Variants in GPR132 observed in about 807,000 individuals in gnomAD.
The protein encoded by GPR132 is probable G protein-coupled receptor 132.
GPR132 carries 4 observed loss-of-function variants against 1.9 expected under a neutral mutation model. The ratio of observed to expected loss-of-function variants is 2.13; its 90% CI spans 1.05 to 4.87. The LOEUF (loss-of-function observed/expected upper bound fraction) is 4.87, where lower values mean the gene tolerates loss of function less well. GPR132 is among the 30% of genes most tolerant of loss of function. The pLI is 0.01. For missense variants in GPR132, 404 were observed against 512.5 expected (o/e 0.79, Z 2.04); for synonymous variants, 233 against 234.2 (o/e 0.99, Z 0.05).
chr14:105,063,600 C>G (rs1324051229), intron 1 of GPR132, among the ~76,000 whole-genome samples: 1 of 151,968 alleles, frequency 6.6e-6, no homozygotes, highest in Non-Finnish European at 1.5e-5. Flanking sequence ...TGGTCTTGAA[C>G]TCCTGACCTC....
At chr14:105,061,162 C>T (rs1886931705) in intron 1 of GPR132, among the ~76,000 whole-genome samples, 1 of 152,284 alleles carries the variant, frequency 6.6e-6, no homozygotes, top group African/African-American at 2.4e-5. Context: ...GCCGGGTCCA[C>T]TGGGACGTCC....
At chr14:105,062,540 CTTTTTT>C (rs59869492) in intron 1 of GPR132, among the ~76,000 whole-genome samples, 1 of 128,684 alleles carries the variant, frequency 7.8e-6, no homozygotes, top group African/African-American at 3.0e-5. Flanking sequence ...CTTTTCTTTT[CTTTTTT>C]TTTTTTTTTT....
At chr14:105,063,905 T>C (rs552186433) in intron 1 of GPR132, among the ~76,000 whole-genome samples, 1 of 152,078 alleles carries the variant, frequency 6.6e-6, no homozygotes, top group Admixed American at 6.6e-5. Context: ...AATGGCACGA[T>C]CTCGGCTCAC....
chr14:105,053,729 T>A (rs1453367335), intron 3 of GPR132, among the ~76,000 whole-genome samples: 1 of 151,774 alleles, frequency 6.6e-6, no homozygotes, highest in East Asian at 1.9e-4. Flanking sequence ...GATGTCTGAA[T>A]CCTAATCCTT....
intron 1 of GPR132, among the ~76,000 whole-genome samples, chr14:105,065,168 C>A (rs534137383): frequency 9.8e-5 from 15 of 152,344 alleles, no homozygotes; most frequent in African/African-American, 3.6e-4. Context: ...CCAAATCCTC[C>A]GGCCCCATCA....
chr14:105,054,270 G>A, intron 3 of GPR132: 1 of 1,132,736 alleles, frequency 8.8e-7, no homozygotes, highest in Non-Finnish European at 1.1e-6. Flanking sequence ...CCTGGGCACT[G>A]TCCAGCCCGC....
In GPR132 at chr14:105,056,902, CT is replaced by C. The variant is rs1293195823; in HGVS notation, c.-747+264del. Among the ~76,000 whole-genome samples, 1 of 152,248 alleles carries C rather than the reference CT, an allele frequency of 6.6e-6. No individual in the cohort carries two copies. The highest frequency in any genetic ancestry group is 2.4e-5 in the African/African-American group (1 of 41,462). On this transcript the variant is annotated intron_variant, in intron 2 of 3. Transcript: ENST00000329797. This position sits in a 1 kb window ranked among gnomAD's most constrained non-coding sequence, Gnocchi z 6.0. The stretch of plus-strand genomic sequence containing the variant: ...CCCCTGGGACCTGTGGGACAGCCCC[CT>C]GACTCAGTACTGTGTCGCCCTCCCA...
In GPR132 at chr14:105,055,650, A is replaced by C. The variant is rs1184166186; in HGVS notation, c.-230T>G. ...GTGTCTCACGTGCTCCACTCACCAC[A>C]GTGTCCTCAAGCTCCCTCCTGTTGC... On this transcript the variant is annotated 5_prime_UTR_variant, in exon 3 of 4. Coordinates refer to ENST00000329797, the MANE Select transcript of GPR132 (RefSeq NM_013345.4). The surrounding 1 kb of genome is among the most constrained non-coding windows in gnomAD (Gnocchi z 4.7). 3 of 565,990 alleles carry C rather than the reference A, an allele frequency of 5.3e-6. No individual in the cohort carries two copies. The highest frequency in any genetic ancestry group is 6.4e-6 in the Non-Finnish European group (2 of 314,464). The allele number at this position is 565,990 out of a possible 1,614,324, so 35.1% of individuals were successfully genotyped here.
rs1459643720 is a variant in GPR132, at chr14:105,051,491, C to T, written c.646G>A (p.Ala216Thr). 13 of 1,613,826 alleles carry T rather than the reference C, an allele frequency of 8.1e-6. No homozygotes were observed. Among genetic ancestry groups the T allele is most frequent in the Middle Eastern group, 1.6e-4 (1 of 6,082 alleles). Residue 216 changes from alanine to threonine, a missense_variant, in exon 4 of 4, where the codon GCC becomes ACC. Coordinates refer to ENST00000329797, the MANE Select transcript of GPR132 (RefSeq NM_013345.4). The surrounding 1 kb of genome is among the most constrained non-coding windows in gnomAD (Gnocchi z 8.0). ...CTGAAAATCCGGTGGTTGGTGAAGG[C>T]GATGATGGAGAGAGGGATGGCAAAG... ...VGFAIPLSII[A>T]FTNHRIFRSI...
rs539269723 is a variant in GPR132 at position 105,060,657 on chromosome 14, G to T, written c.-860-3377C>A. ...TGAGGCCCCTGGGCCCCATCAGAACGCCTGAGCCGCCCAGGAAGGGGCTCC... is the reference window on the plus strand; with the variant it reads ...TGAGGCCCCTGGGCCCCATCAGAACTCCTGAGCCGCCCAGGAAGGGGCTCC... On this transcript the variant is annotated intron_variant, in intron 1 of 3. Coordinates refer to ENST00000329797, the MANE Select transcript of GPR132 (RefSeq NM_013345.4). This position sits in a 1 kb window ranked among gnomAD's most constrained non-coding sequence, Gnocchi z 6.3. Among the ~76,000 whole-genome samples the T allele has an allele frequency of 4.6e-5, 7 of 152,190 alleles. No individual in the cohort carries two copies. The highest frequency in any genetic ancestry group is 7.4e-5 in the Non-Finnish European group (5 of 68,024).
At chr14:105,054,897 A>G (rs1443517144) in intron 3 of GPR132, among the ~76,000 whole-genome samples, 1 of 151,350 alleles carries the variant, frequency 6.6e-6, no homozygotes, top group East Asian at 2.0e-4. Flanking sequence ...AAAATTAGAC[A>G]GGCGTGGTGG....
chr14:105,051,359 G>A lies in GPR132; in HGVS notation c.778C>T (p.Leu260=). 2 of 1,614,106 alleles carry A rather than the reference G, an allele frequency of 1.2e-6. No homozygotes were observed. The highest frequency in any genetic ancestry group is 1.7e-6 in the Non-Finnish European group (2 of 1,179,916). Residue 260 remains leucine, a synonymous_variant, in exon 4 of 4, where the codon CTG becomes TTG. Coordinates refer to ENST00000329797, the MANE Select transcript of GPR132 (RefSeq NM_013345.4). The surrounding 1 kb of genome is among the most constrained non-coding windows in gnomAD (Gnocchi z 8.0). The stretch of plus-strand genomic sequence containing the variant: ...GCAGCGGCTTTGACGAGGAGAACCA[G>A]GTGGTACGGGGCGAAGCAGACTAGG... ...IFLVCFAPYH[L]VLLVKAAAFS...
In GPR132 at chr14:105,056,718, G is replaced by C. The variant is rs1886806134; in HGVS notation, c.-747+449C>G. Reference sequence around the variant, plus strand: ...GGTGTCTGTGGCTCTGTGCCCATCTGGTGAGGAGGCTGTCCCCCGCTCCCC... The same window carrying C: ...GGTGTCTGTGGCTCTGTGCCCATCTCGTGAGGAGGCTGTCCCCCGCTCCCC... On this transcript the variant is annotated intron_variant, in intron 2 of 3. Transcript: ENST00000329797. The surrounding 1 kb of genome is among the most constrained non-coding windows in gnomAD (Gnocchi z 6.0). Among the ~76,000 whole-genome samples the C allele has an allele frequency of 6.6e-6, 1 of 152,222 alleles. No homozygotes were observed. Among genetic ancestry groups the C allele is most frequent in the Admixed American group, 6.5e-5 (1 of 15,276 alleles).
intron 3 of GPR132, among the ~76,000 whole-genome samples, chr14:105,054,827 G>T (rs1468280995): frequency 1.3e-5 from 2 of 150,662 alleles, no homozygotes; most frequent in Admixed American, 6.6e-5. Context: ...ATCACTAGAG[G>T]TCAGGCGTTC....
intron 1 of GPR132, among the ~76,000 whole-genome samples, chr14:105,064,119 G>A (rs573027730): frequency 2.0e-5 from 3 of 151,840 alleles, no homozygotes; most frequent in South Asian, 2.1e-4. Context: ...GATTACAGGC[G>A]TAAGCCACCG....
Position 105,051,405 on chromosome 14 carries a change from G to A in GPR132, c.732C>T (p.Ala244=). ...CTAGGAAGATGACAACCACCGCGAT[G>A]GCCGAGTGCTTCACCTTGGCCTTCT... ...AAQKAKVKHS[A]IAVVVIFLVC... Residue 244 remains alanine, a synonymous_variant, in exon 4 of 4, where the codon GCC becomes GCT. Coordinates refer to ENST00000329797, the MANE Select transcript of GPR132 (RefSeq NM_013345.4). This position sits in a 1 kb window ranked among gnomAD's most constrained non-coding sequence, Gnocchi z 8.0. 1 of 1,614,170 alleles carries A rather than the reference G, an allele frequency of 6.2e-7. No homozygotes were observed. Among genetic ancestry groups the A allele is most frequent in the Non-Finnish European group, 8.5e-7 (1 of 1,180,026 alleles).
chr14:105,061,747 G>GC (rs968289074), intron 1 of GPR132, among the ~76,000 whole-genome samples: 6 of 152,140 alleles, frequency 3.9e-5, no homozygotes, highest in Admixed American at 1.3e-4. Flanking sequence ...CCTCCTGGGG[G>GC]GGGGGAGTCC....
In GPR132 at chr14:105,051,322, T is replaced by C. The variant is rs756698403; in HGVS notation, c.815A>G (p.Tyr272Cys). 1.2e-6 allele frequency: 2 copies of C among 1,613,888 alleles called. No homozygotes were observed. Among genetic ancestry groups the C allele is most frequent in the Admixed American group, 1.7e-5 (1 of 60,012 alleles). Reference protein sequence around the residue: ...LLVKAAAFSYYRGDRNAMCGL... With the variant: ...LLVKAAAFSYCRGDRNAMCGL... ...GCACATGGCGTTCCTGTCTCCTCTG[T>C]AGTAGGAAAAGGCAGCGGCTTTGAC... The change falls in exon 4 of 4, where the codon TAC becomes TGC. Residue 272 changes from tyrosine to cysteine, a missense_variant. Physicochemically the swap from Tyr to Cys is radical, Grantham distance 194. Transcript: ENST00000329797. This position sits in a 1 kb window ranked among gnomAD's most constrained non-coding sequence, Gnocchi z 8.0.
chr14:105,051,738 C>G lies in GPR132; in HGVS notation c.399G>C (p.Leu133=). ...FCNIYVSILF[L]CCISCDRFVA... ...CGAAGCGGTCGCAGGAGATGCAGCA[C>G]AGGAAGAGGATGCTGACGTAGATGT... is the stretch of plus-strand genomic sequence containing the variant. Residue 133 remains leucine, a synonymous_variant, in exon 4 of 4, where the codon CTG becomes CTC. Transcript: ENST00000329797. The surrounding 1 kb of genome is among the most constrained non-coding windows in gnomAD (Gnocchi z 8.0). The G allele has an allele frequency of 6.2e-7, 1 of 1,614,144 alleles. No homozygotes were observed. Among genetic ancestry groups the G allele is most frequent in the Non-Finnish European group, 8.5e-7 (1 of 1,180,046 alleles).
Sources: allele counts gnomAD v4.1 joint callset (sites outside exome capture counted in the v4.1 genomes callset), GRCh38; gene constraint gnomAD v4.1.1; non-coding constraint Gnocchi (gnomAD v3.1); transcripts MANE v1.5; gene names NCBI Gene and HGNC (gene_info 2026-07-23, HGNC 2026-07-21).